AXDND1: variants seen among roughly 807,000 people sequenced by gnomAD.
AXDND1 encodes axonemal dynein light chain domain-containing protein 1.
A neutral mutation model predicts 137.5 loss-of-function variants in AXDND1; 110 were observed. That is an observed-to-expected ratio of 0.80 (90% CI 0.69 to 0.94). AXDND1 has a LOEUF of 0.94. Ranked by LOEUF, AXDND1 falls within the 40% of genes least tolerant of loss-of-function variation. The pLI is 0.00. For missense variants in AXDND1, 1,191 were observed against 1,169.8 expected, an observed-to-expected ratio of 1.02 and a Z score of -0.26; for synonymous variants, 414 against 399.7, an observed-to-expected ratio of 1.04 and a Z score of -0.43.
intron 17 of AXDND1, among the ~76,000 whole-genome samples, chr1:179,477,620 T>A (rs11808664): frequency 0.55 from 83,460 of 151,858 alleles, 23,220 homozygotes; most frequent in East Asian, 0.76. Flanking sequence ...TGAGGGAATT[T>A]TGGGAGCTAC....
intron 12 of AXDND1, among the ~76,000 whole-genome samples, chr1:179,417,729 T>A (rs1018816353): frequency 6.0e-5 from 9 of 150,214 alleles, no homozygotes; most frequent in East Asian, 1.9e-4. Flanking sequence ...TTTTAGGATT[T>A]AAAAAAAAAA....
chr1:179,465,633 C>G (rs763569763), intron 16 of AXDND1, among the ~76,000 whole-genome samples: 2 of 152,214 alleles, frequency 1.3e-5, no homozygotes, highest in African/African-American at 4.8e-5. Context: ...GGGAGAACCA[C>G]TACTTGCTTC....
chr1:179,523,271 CTATT>C (rs1385673377), intron 21 of AXDND1, among the ~76,000 whole-genome samples: 4 of 149,012 alleles, frequency 2.7e-5, no homozygotes, highest in African/African-American at 7.4e-5. Context: ...CAGCAATTTC[CTATT>C]TATTTATTTT....
At chr1:179,457,889 T>C (rs1661644138) in intron 16 of AXDND1, among the ~76,000 whole-genome samples, 1 of 152,238 alleles carries the variant, frequency 6.6e-6, no homozygotes, top group Non-Finnish European at 1.5e-5. Flanking sequence ...CTTTCAGGCA[T>C]GTGGTAACTA....
At chr1:179,410,370 A>G (rs1653683725) in intron 11 of AXDND1, among the ~76,000 whole-genome samples, 1 of 152,154 alleles carries the variant, frequency 6.6e-6, no homozygotes, top group African/African-American at 2.4e-5. Context: ...AGCTGGAACT[A>G]CAGGCACACG....
intron 15 of AXDND1, among the ~76,000 whole-genome samples, chr1:179,437,005 T>C (rs895722559): frequency 2.6e-5 from 4 of 151,452 alleles, no homozygotes; most frequent in Admixed American, 6.6e-5. Flanking sequence ...CTACTGTATA[T>C]TACATTGTAA....
chr1:179,467,520 G>C (rs1247877232), intron 16 of AXDND1, among the ~76,000 whole-genome samples: 2 of 152,158 alleles, frequency 1.3e-5, no homozygotes, highest in African/African-American at 4.8e-5. Context: ...ATGTATACAA[G>C]AGGATGTGCA....
intron 12 of AXDND1, among the ~76,000 whole-genome samples, chr1:179,419,278 G>A (rs1462087968): frequency 6.6e-6 from 1 of 151,976 alleles, no homozygotes; most frequent in African/African-American, 2.4e-5. Context: ...CTGGGAGGTG[G>A]TTGTAGCGAG....
chr1:179,369,917 A>C, intron 3 of AXDND1, 58 bp from the exon 4 acceptor site: 1 of 1,340,234 alleles, frequency 7.5e-7, no homozygotes, highest in Non-Finnish European at 1.1e-6. Context: ...CTATTAATAC[A>C]TTTTATTTGA....
At chr1:179,535,203 C>T (rs1329937419) in intron 25 of AXDND1, among the ~76,000 whole-genome samples, 1 of 151,698 alleles carries the variant, frequency 6.6e-6, no homozygotes, top group Non-Finnish European at 1.5e-5. Context: ...TTTTTATTTA[C>T]AAAACTGGCA....
In AXDND1 at chr1:179,517,228, G is replaced by T. The variant is rs967278542; in HGVS notation, c.2496+7825G>T. Among the ~76,000 whole-genome samples, 31 of 152,244 alleles carry T rather than the reference G, an allele frequency of 2.0e-4. No individual in the cohort carries two copies. The South Asian group carries it at 2.5e-3, about 12-fold the overall frequency. ...GAGTCATGCAGGTTGTCAGGGAAGTGGGGGAAAGCAGGCGGTCACAGACCT... is the reference window on the plus strand; with the variant it reads ...GAGTCATGCAGGTTGTCAGGGAAGTTGGGGAAAGCAGGCGGTCACAGACCT... On this transcript the variant is annotated intron_variant, in intron 21 of 25. Transcript: ENST00000367618.
intron 16 of AXDND1, among the ~76,000 whole-genome samples, chr1:179,457,546 T>C (rs1287667855): frequency 6.6e-6 from 1 of 152,236 alleles, no homozygotes; most frequent in Admixed American, 6.5e-5. Context: ...GTTTCAGTTC[T>C]TTTTACATAC....
chr1:179,391,300 C>G (rs1650156429), intron 9 of AXDND1, among the ~76,000 whole-genome samples: 2 of 151,750 alleles, frequency 1.3e-5, no homozygotes, highest in Non-Finnish European at 2.9e-5. Flanking sequence ...TTTGGTTACA[C>G]AGATAAGTTC....
At chr1:179,473,606 T>C (rs928682846) in intron 17 of AXDND1, among the ~76,000 whole-genome samples, 2 of 152,218 alleles carry the variant, frequency 1.3e-5, no homozygotes, top group African/African-American at 4.8e-5. Flanking sequence ...TATAATTTTA[T>C]GCACATTACA....
At chr1:179,486,116 T>A in intron 18 of AXDND1, among the ~76,000 whole-genome samples, 1 of 28,212 alleles carries the variant, frequency 3.5e-5, no homozygotes, top group Non-Finnish European at 7.8e-5. Flanking sequence ...CAAAACTCTG[T>A]CTCAAAAAAA....
At chr1:179,524,873 C>T (rs939521470) in intron 21 of AXDND1, among the ~76,000 whole-genome samples, 1 of 152,176 alleles carries the variant, frequency 6.6e-6, no homozygotes. Context: ...GGATAAGAGC[C>T]AATCATCTCC....
At chr1:179,376,929 T>TTG (rs1647360388) in intron 4 of AXDND1, among the ~76,000 whole-genome samples, 1 of 150,352 alleles carries the variant, frequency 6.7e-6, no homozygotes, top group South Asian at 2.1e-4. Context: ...AATTTAATAA[T>TTG]GTAGTTTTTT....
chr1:179,482,028 A>G (rs1341160541), intron 17 of AXDND1, among the ~76,000 whole-genome samples: 1 of 150,684 alleles, frequency 6.6e-6, no homozygotes, highest in Non-Finnish European at 1.5e-5. Context: ...AAGCACCCTT[A>G]GGTTTGAACA....
intron 16 of AXDND1, chr1:179,447,568 G>GTTCTTCAAC: frequency 2.2e-6 from 2 of 930,046 alleles, no homozygotes; most frequent in Non-Finnish European, 3.2e-6. Flanking sequence ...ATGTTTTAAA[G>GTTCTTCAAC]AATGAAGTTG....
Sources: gnomAD v4.1 joint callset for allele counts (sites outside exome capture counted in the v4.1 genomes callset) on GRCh38, gnomAD v4.1.1 for gene constraint, MANE v1.5 for transcripts, NCBI Gene and HGNC (gene_info 2026-07-23, HGNC 2026-07-21) for gene names.